TRAPPC12: variants seen among roughly 807,000 people sequenced by gnomAD.
TRAPPC12 encodes trafficking protein particle complex subunit 12, also known as TPR repeat protein 15.
Under a neutral mutation model 69.2 loss-of-function variants are expected in TRAPPC12, and 61 were observed. That is an observed-to-expected ratio of 0.88 (90% CI 0.72 to 1.09). The LOEUF (loss-of-function observed/expected upper bound fraction) is 1.09. Ranked by LOEUF, TRAPPC12 falls within the 50% of genes least tolerant of loss-of-function variation. TRAPPC12 has a pLI of 0.00. For synonymous variants in TRAPPC12, 469 were observed against 438.9 expected, an observed-to-expected ratio of 1.07 and a Z score of -0.86; for missense variants, 1,101 against 1,016.4, an observed-to-expected ratio of 1.08 and a Z score of -1.13.
At chr2:3,440,433 C>A (rs1664137849) in intron 5 of TRAPPC12, among the ~76,000 whole-genome samples, 1 of 151,752 alleles carries the variant, frequency 6.6e-6, no homozygotes, top group Non-Finnish European at 1.5e-5. Flanking sequence ...GTGGGTATTT[C>A]ACTTATTTAT....
chr2:3,440,031 T>A (rs1380022443), intron 5 of TRAPPC12, among the ~76,000 whole-genome samples: 3 of 152,232 alleles, frequency 2.0e-5, no homozygotes, highest in African/African-American at 7.2e-5. Context: ...CTTTCTGCTC[T>A]GGGCCACTGA....
intron 3 of TRAPPC12, among the ~76,000 whole-genome samples, chr2:3,420,601 C>A (rs1260778427): frequency 6.6e-6 from 1 of 152,216 alleles, no homozygotes; most frequent in Admixed American, 6.5e-5. Flanking sequence ...ACAAGCCCCA[C>A]TCTCCTGCCT....
At chr2:3,394,924 T>A (rs1259816641) in intron 2 of TRAPPC12, among the ~76,000 whole-genome samples, 3 of 152,174 alleles carry the variant, frequency 2.0e-5, no homozygotes, top group Non-Finnish European at 4.4e-5. Context: ...ATTCTGTCTC[T>A]CACACACACA....
intron 6 of TRAPPC12, among the ~76,000 whole-genome samples, chr2:3,447,102 C>CTTTT (rs56069735): frequency 1.4e-5 from 2 of 148,054 alleles, no homozygotes; most frequent in African/African-American, 2.5e-5. Context: ...CCTCAGGAAG[C>CTTTT]TTTTTTTTTT....
At chr2:3,408,513 G>A (rs1312657763) in intron 3 of TRAPPC12, among the ~76,000 whole-genome samples, 1 of 152,098 alleles carries the variant, frequency 6.6e-6, no homozygotes, top group Non-Finnish European at 1.5e-5. Context: ...TGTAGTCCCA[G>A]CTACTTGTGG....
At chr2:3,418,649 G>T (rs1662588269) in intron 3 of TRAPPC12, among the ~76,000 whole-genome samples, 1 of 152,152 alleles carries the variant, frequency 6.6e-6, no homozygotes, top group South Asian at 2.1e-4. Flanking sequence ...CTGGGCTCTG[G>T]GTTCCTGTGA....
At chr2:3,479,128 A>T in intron 11 of TRAPPC12, 91 bp from the exon 12 acceptor site, 1 of 1,557,734 alleles carries the variant, frequency 6.4e-7, no homozygotes, top group Non-Finnish European at 8.7e-7. Context: ...CACCACCCCC[A>T]GGCCCCTAAC....
At chr2:3,446,502 C>T (rs1439734491) in intron 6 of TRAPPC12, among the ~76,000 whole-genome samples, 1 of 152,216 alleles carries the variant, frequency 6.6e-6, no homozygotes, top group African/African-American at 2.4e-5. Flanking sequence ...ATATAGTCAG[C>T]CTTGCCTGTC....
chr2:3,429,082 A>C (rs1037236815), intron 5 of TRAPPC12, among the ~76,000 whole-genome samples: 1 of 152,216 alleles, frequency 6.6e-6, no homozygotes, highest in African/African-American at 2.4e-5. Context: ...GCCTTTTATC[A>C]GAGTTCCTTT....
intron 6 of TRAPPC12, among the ~76,000 whole-genome samples, chr2:3,452,781 T>A (rs981924913): frequency 6.6e-6 from 1 of 152,200 alleles, no homozygotes; most frequent in Non-Finnish European, 1.5e-5. Context: ...TCGAAACCTT[T>A]CACAGTTTAG....
At position 3,414,961 on chromosome 2, in the gene TRAPPC12, CT is replaced by C. The variant is rs1662287974; in HGVS notation, c.1165-6919del. On this transcript the variant is annotated intron_variant, in intron 3 of 11. Transcript: ENST00000324266. The surrounding 1 kb of genome is among the most constrained non-coding windows in gnomAD (Gnocchi z 4.9). ...TGAGGTATGCACAGCAACCTTTCAG[CT>C]GTGGTTGGTTGAATCCACGCGTGTG... 6.6e-6 allele frequency among the ~76,000 whole-genome samples: 1 copy of C among 152,172 alleles called. No homozygotes were observed. The highest frequency in any genetic ancestry group is 1.5e-5 in the Non-Finnish European group (1 of 68,040).
At chr2:3,440,468 T>C (rs1172314353) in intron 5 of TRAPPC12, among the ~76,000 whole-genome samples, 1 of 152,212 alleles carries the variant, frequency 6.6e-6, no homozygotes, top group African/African-American at 2.4e-5. Context: ...GTGTTTTTAA[T>C]TTCAAATTCC....
chr2:3,463,258 T>C (rs1665606610), intron 8 of TRAPPC12, among the ~76,000 whole-genome samples: 1 of 152,098 alleles, frequency 6.6e-6, no homozygotes, highest in Non-Finnish European at 1.5e-5. Context: ...TCATCTGCTG[T>C]ATTGACGATG....
intron 1 of TRAPPC12, among the ~76,000 whole-genome samples, 167 bp from the exon 2 acceptor site, chr2:3,387,453 A>C (rs1660543885): frequency 6.6e-6 from 1 of 152,230 alleles, no homozygotes; most frequent in African/African-American, 2.4e-5. Context: ...ACACTACTGA[A>C]CTTAAGGTGG....
chr2:3,384,169 T>C (rs1021324978), intron 1 of TRAPPC12, among the ~76,000 whole-genome samples: 12 of 152,300 alleles, frequency 7.9e-5, no homozygotes, highest in Middle Eastern at 3.4e-3. Context: ...TTGCTAGGAT[T>C]ACAGGCCTGA....
At chr2:3,457,895 A>C (rs933884512) in intron 7 of TRAPPC12, 7 of 1,423,080 alleles carry the variant, frequency 4.9e-6, no homozygotes, top group Non-Finnish European at 6.4e-6. Context: ...GTGCAGCCTC[A>C]GACCCGAACC....
chr2:3,456,976 T>C (rs546195621), intron 6 of TRAPPC12: 1 of 402,804 alleles, frequency 2.5e-6, no homozygotes, highest in African/African-American at 2.1e-5. Context: ...AACACCACTT[T>C]CACCATCAGC....
At chr2:3,409,782 G>GAAGAAAT in intron 3 of TRAPPC12, among the ~76,000 whole-genome samples, 1 of 124,846 alleles carries the variant, frequency 8.0e-6, no homozygotes, top group Non-Finnish European at 1.7e-5. Flanking sequence ...AAAAAAAGGG[G>GAAGAAAT]AAGAAATGAA....
chr2:3,471,832 G>A (rs1666075702), intron 9 of TRAPPC12, among the ~76,000 whole-genome samples: 1 of 144,582 alleles, frequency 6.9e-6, no homozygotes, highest in African/African-American at 2.9e-5. Context: ...TTGGACTTGG[G>A]TCTGAGAGGA....
Sources: allele counts gnomAD v4.1 joint callset (sites outside exome capture counted in the v4.1 genomes callset), GRCh38; gene constraint gnomAD v4.1.1; non-coding constraint Gnocchi (gnomAD v3.1); transcripts MANE v1.5; gene names NCBI Gene and HGNC (gene_info 2026-07-23, HGNC 2026-07-21).